PRR5L: variants seen among roughly 807,000 people sequenced by gnomAD.
PRR5L encodes the protein proline rich 5 like, also known as proline-rich protein 5-like.
A neutral mutation model predicts 36.4 loss-of-function variants in PRR5L; 21 were observed. The observed-to-expected ratio is 0.58, with a 90% CI of 0.41 to 0.83. The LOEUF is 0.83. Ranked by LOEUF, PRR5L falls within the 40% of genes least tolerant of loss-of-function variation. PRR5L has a pLI of 0.00. For missense variants in PRR5L, 381 were observed against 473.3 expected, an observed-to-expected ratio of 0.80 and a Z score of 1.81; for synonymous variants, 188 against 197.0, an observed-to-expected ratio of 0.95 and a Z score of 0.38.
intron 8 of PRR5L, among the ~76,000 whole-genome samples, chr11:36,460,453 C>G (rs1859156488): frequency 6.6e-6 from 1 of 152,076 alleles, no homozygotes; most frequent in African/African-American, 2.4e-5. Context: ...GCCCCGCTCC[C>G]ATGATCTCTT....
At chr11:36,457,012 C>T (rs1019871278) in intron 8 of PRR5L, among the ~76,000 whole-genome samples, 10 of 152,342 alleles carry the variant, frequency 6.6e-5, no homozygotes, top group African/African-American at 2.2e-4. Flanking sequence ...CTGTGAGCAG[C>T]CAGAGTGGCT....
chr11:36,417,754 T>A (rs1020632291), intron 3 of PRR5L, among the ~76,000 whole-genome samples: 1 of 152,290 alleles, frequency 6.6e-6, no homozygotes, highest in East Asian at 1.9e-4. Context: ...AACATCTTGC[T>A]GTAACCTCCT....
At chr11:36,460,156 CTGT>C (rs1199968364) in intron 8 of PRR5L, among the ~76,000 whole-genome samples, 1 of 152,164 alleles carries the variant, frequency 6.6e-6, no homozygotes, top group Non-Finnish European at 1.5e-5. Flanking sequence ...GCATATAATA[CTGT>C]TGTTTATATT....
chr11:36,429,356 C>T (rs1858445956), intron 4 of PRR5L, among the ~76,000 whole-genome samples: 1 of 152,128 alleles, frequency 6.6e-6, no homozygotes, highest in African/African-American at 2.4e-5. Context: ...AGGTACTATA[C>T]CAGGAGCCAA....
At chr11:36,457,523 G>A (rs937450052) in intron 8 of PRR5L, among the ~76,000 whole-genome samples, 2 of 151,746 alleles carry the variant, frequency 1.3e-5, no homozygotes, top group African/African-American at 2.4e-5. Flanking sequence ...GGAGAATGGC[G>A]TGAACCCAGT....
intron 1 of PRR5L, among the ~76,000 whole-genome samples, chr11:36,394,856 G>T (rs1320797576): frequency 6.6e-6 from 1 of 152,122 alleles, no homozygotes; most frequent in African/African-American, 2.4e-5. Context: ...GCATCTTTGT[G>T]GGGGGTGGGG....
chr11:36,428,385 C>A, intron 4 of PRR5L, among the ~76,000 whole-genome samples: 1 of 152,200 alleles, frequency 6.6e-6, no homozygotes, highest in East Asian at 1.9e-4. Flanking sequence ...CTTCAGAGTA[C>A]AAGGGCCTTA....
At chr11:36,439,523 C>T (rs1413282741) in intron 6 of PRR5L, among the ~76,000 whole-genome samples, 2 of 152,182 alleles carry the variant, frequency 1.3e-5, no homozygotes, top group African/African-American at 4.8e-5. Flanking sequence ...CCATGGCCCC[C>T]ACCTTGCTGG....
chr11:36,431,708 G>GA, intron 4 of PRR5L, 145 bp from the exon 5 acceptor site: 1 of 655,486 alleles, frequency 1.5e-6, no homozygotes, highest in Non-Finnish European at 2.6e-6. Flanking sequence ...CTTCCAAGAG[G>GA]AAAAAAGGCT....
At chr11:36,296,917 AT>A (rs201474617) in intron 1 of PRR5L, among the ~76,000 whole-genome samples, 12 of 151,492 alleles carry the variant, frequency 7.9e-5, no homozygotes, top group South Asian at 2.1e-4. Context: ...CTTGTAAAGC[AT>A]TTTTTTTTAC....
intron 1 of PRR5L, among the ~76,000 whole-genome samples, chr11:36,318,462 C>T (rs1257893600): frequency 3.4e-5 from 5 of 147,566 alleles, no homozygotes; most frequent in Non-Finnish European, 7.6e-5. Flanking sequence ...GGTGAATCTG[C>T]GAAGTCCTGC....
intron 8 of PRR5L, among the ~76,000 whole-genome samples, chr11:36,452,126 G>A (rs1020638361): frequency 2.0e-5 from 3 of 152,276 alleles, no homozygotes; most frequent in African/African-American, 4.8e-5. Flanking sequence ...CGCTCAAAAT[G>A]CAGAAATGTT....
At chr11:36,392,905 G>A (rs1049476290) in intron 1 of PRR5L, among the ~76,000 whole-genome samples, 3 of 152,050 alleles carry the variant, frequency 2.0e-5, no homozygotes, top group Admixed American at 6.6e-5. Context: ...ATTTGGGTGG[G>A]GACACAGAGC....
intron 6 of PRR5L, among the ~76,000 whole-genome samples, chr11:36,444,231 A>T (rs551378919): frequency 1.3e-5 from 2 of 152,210 alleles, no homozygotes; most frequent in Non-Finnish European, 2.9e-5. Flanking sequence ...GTATGAAAAG[A>T]TGTCCAAAAT....
chr11:36,328,130 G>A (rs1856683548), intron 1 of PRR5L, among the ~76,000 whole-genome samples: 1 of 152,190 alleles, frequency 6.6e-6, no homozygotes, highest in African/African-American at 2.4e-5. Flanking sequence ...ACAGAAAAAT[G>A]TGACTTTAAA....
intron 1 of PRR5L, among the ~76,000 whole-genome samples, chr11:36,381,197 C>T (rs540951995): frequency 2.0e-5 from 3 of 152,060 alleles, no homozygotes; most frequent in Admixed American, 6.6e-5. Flanking sequence ...TCCACTTTAC[C>T]GTTCTCTCCT....
At chr11:36,401,329 C>T (rs1857790866) in intron 2 of PRR5L, 44 bp downstream of exon 2, 4 of 1,586,586 alleles carry the variant, frequency 2.5e-6, no homozygotes, top group Non-Finnish European at 2.6e-6. Flanking sequence ...TGCCAAGGGC[C>T]ATGGCAGGGA....
At chr11:36,429,216 C>A (rs1388974498) in intron 4 of PRR5L, among the ~76,000 whole-genome samples, 2 of 152,104 alleles carry the variant, frequency 1.3e-5, no homozygotes, top group Non-Finnish European at 2.9e-5. Context: ...AACTTAGGGA[C>A]CCTATAGCAC....
intron 1 of PRR5L, among the ~76,000 whole-genome samples, chr11:36,306,583 G>T (rs1414467591): frequency 6.6e-6 from 1 of 152,104 alleles, no homozygotes; most frequent in Admixed American, 6.5e-5. Context: ...TGCTTCCAGG[G>T]GATGGATTTC....
Sources: allele counts gnomAD v4.1 joint callset (sites outside exome capture counted in the v4.1 genomes callset), GRCh38; gene constraint gnomAD v4.1.1; transcripts MANE v1.5; gene names NCBI Gene and HGNC (gene_info 2026-07-23, HGNC 2026-07-21).